DOCK1: variants seen among roughly 807,000 people sequenced by gnomAD.
DOCK1 encodes the protein dedicator of cytokinesis protein 1.
DOCK1 carries 138 observed loss-of-function variants against 262.7 expected under a neutral mutation model. The ratio of observed to expected loss-of-function variants is 0.53; its 90% confidence interval spans 0.46 to 0.61. The LOEUF is 0.61. Among genes scored for constraint, DOCK1 ranks in the 20% least tolerant of loss-of-function variants. The pLI is 0.00. For synonymous variants in DOCK1, 866 were observed against 867.4 expected (o/e 1.00, Z 0.03); for missense variants, 1,908 against 2,370.7 (o/e 0.80, Z 4.05).
At chr10:126,912,892 G>C (rs1401264257) in intron 1 of DOCK1, among the ~76,000 whole-genome samples, 1 of 152,062 alleles carries the variant, frequency 6.6e-6, no homozygotes, top group African/African-American at 2.4e-5. Context: ...ACTGACATAT[G>C]GATTTGGAGG....
At position 127,247,948 on chromosome 10, in the gene DOCK1, C is replaced by T. The variant is rs1008065322; in HGVS notation, c.2848-60C>T. On this transcript the variant is annotated intron_variant, in intron 27 of 51. Coordinates refer to ENST00000623213, the MANE Select transcript of DOCK1 (RefSeq NM_001290223.2). ...CAAGTCCCAGAATCTGGGATGATTT[C>T]GGCTTTTCCCATGAGTGTTGCTCTG... The T allele has an allele frequency of 3.7e-5, 57 of 1,524,180 alleles. 1 individual carries two copies. The East Asian group carries it at 7.1e-4, about 19-fold the overall frequency. 94.4% of individuals were successfully genotyped at this position (1,524,180 alleles called of 1,614,324 possible). A position where few individuals can be genotyped will look rare whatever the true frequency, so the allele number is the denominator to read the frequency against.
intron 27 of DOCK1, among the ~76,000 whole-genome samples, chr10:127,223,806 C>T (rs1010728716): frequency 2.0e-5 from 3 of 152,088 alleles, no homozygotes; most frequent in Non-Finnish European, 4.4e-5. Context: ...GCCTTAGCAC[C>T]TTTTTAAGCT....
In DOCK1 at chr10:127,343,719, G is replaced by C; in HGVS notation, c.3197G>C (p.Ser1066Thr). 2 of 1,609,980 alleles carry C rather than the reference G, an allele frequency of 1.2e-6. No homozygotes were observed. The highest frequency in any genetic ancestry group is 1.7e-6 in the Non-Finnish European group (2 of 1,178,218). ...TCCCTGCAACTGGAGAATTTTTCAA[G>C]TGCCAAGAGAGCCAAAATCCTTAAC... ...QESLQLENFS[S>T]AKRAKILNKY... is the part of the protein sequence containing the mutation. Residue 1066 changes from serine (S) to threonine (T), a missense_variant, in exon 31 of 52, where the codon AGT (serine) becomes ACT (threonine). Around this residue, in one of 9 missense-constraint regions of DOCK1, gnomAD observed 518 missense variants for 575.1 expected, o/e 0.90. Coordinates refer to ENST00000623213, the MANE Select transcript of DOCK1 (RefSeq NM_001290223.2).
chr10:127,282,194 G>A (rs2466286), intron 29 of DOCK1, among the ~76,000 whole-genome samples: 280 of 152,106 alleles, frequency 1.8e-3, no homozygotes, highest in African/African-American at 6.4e-3. Flanking sequence ...GGGTAAGGGT[G>A]CACTCTTGTG....
At chr10:127,426,548 C>T (rs566480625) in intron 47 of DOCK1, among the ~76,000 whole-genome samples, 20 of 152,196 alleles carry the variant, frequency 1.3e-4, no homozygotes, top group African/African-American at 4.6e-4. Flanking sequence ...TTGATCTAGA[C>T]CAAGGAAGAT....
chr10:126,925,315 C>CT (rs2033604486), intron 1 of DOCK1, among the ~76,000 whole-genome samples: 1 of 152,220 alleles, frequency 6.6e-6, no homozygotes, highest in Non-Finnish European at 1.5e-5. Context: ...ACCAGACCTG[C>CT]TTTTTCATTT....
chr10:127,284,860 C>T lies in DOCK1; in HGVS notation c.3044+27431C>T, dbSNP rs140781789. On this transcript the variant is annotated intron_variant, in intron 29 of 51. Transcript: ENST00000623213. ...TTAGATATTTGGCATCGGCCAGGTG[C>T]GGTGGCTCACGCTTGTAATCCCAGC... 2.3e-4 allele frequency among the ~76,000 whole-genome samples: 35 copies of T among 152,266 alleles called. No individual in the cohort carries two copies. The East Asian group carries it at 5.0e-3, about 22-fold the overall frequency.
intron 23 of DOCK1, among the ~76,000 whole-genome samples, chr10:127,097,598 T>A (rs1360826167): frequency 1.3e-5 from 2 of 152,130 alleles, no homozygotes; most frequent in African/African-American, 4.8e-5. Context: ...TGTTGATTGG[T>A]CCGAGGACTA....
chr10:127,004,290 T>A (rs2040826518), intron 10 of DOCK1, among the ~76,000 whole-genome samples: 1 of 151,774 alleles, frequency 6.6e-6, no homozygotes, highest in South Asian at 2.1e-4. Flanking sequence ...AGTAAGGACC[T>A]GATCGTTCTG....
chr10:127,410,610 G>T (rs2067787821), intron 42 of DOCK1, among the ~76,000 whole-genome samples: 1 of 152,128 alleles, frequency 6.6e-6, no homozygotes, highest in South Asian at 2.1e-4. Flanking sequence ...CTCAGCTTCT[G>T]TTTTCCCTCG....
chr10:126,912,869 C>G (rs1294277651), intron 1 of DOCK1, among the ~76,000 whole-genome samples: 1 of 152,122 alleles, frequency 6.6e-6, no homozygotes, highest in Non-Finnish European at 1.5e-5. Flanking sequence ...TGCTGAATTT[C>G]TGAGGTTAGA....
chr10:127,278,980 G>A (rs1159252598), intron 29 of DOCK1, among the ~76,000 whole-genome samples: 1 of 152,218 alleles, frequency 6.6e-6, no homozygotes, highest in East Asian at 1.9e-4. Context: ...GTCCCCATGA[G>A]AGACACACAG....
At chr10:126,997,020 G>A in intron 7 of DOCK1, 137 bp downstream of exon 7, 1 of 985,040 alleles carries the variant, frequency 1.0e-6, no homozygotes, top group Non-Finnish European at 1.4e-6. Context: ...GTGTCCTACA[G>A]TCATGAGTGG....
At chr10:127,156,638 G>A (rs1449825986) in intron 27 of DOCK1, among the ~76,000 whole-genome samples, 2 of 131,474 alleles carry the variant, frequency 1.5e-5, no homozygotes, top group Non-Finnish European at 3.1e-5. Context: ...GCACAATCTG[G>A]GCTCACCACA....
intron 29 of DOCK1, chr10:127,271,995 T>TG (rs932638899): frequency 3.7e-4 from 56 of 152,326 alleles, no homozygotes; most frequent in African/African-American, 1.2e-3. Flanking sequence ...GGGCGATCTG[T>TG]GTTTGTACGT....
chr10:127,156,559 CTTCTTTTTTTTTT>C (rs1592273544), intron 27 of DOCK1, among the ~76,000 whole-genome samples: 1 of 60,180 alleles, frequency 1.7e-5, no homozygotes, highest in African/African-American at 7.9e-5. Context: ...TCTTCTTCTT[CTTCTTTTTTTTTT>C]TTTTTTTTTT....
chr10:126,987,748 G>A lies in DOCK1; in HGVS notation c.324+131G>A, dbSNP rs549046137. ...GAGCTTCCGAGACAGAGTTTTACTC[G>A]GAATTGGCAAAGGAAGCGACATGGC... is the stretch of plus-strand genomic sequence containing the variant. On this transcript the variant is annotated intron_variant, in intron 5 of 51. Coordinates refer to ENST00000623213, the MANE Select transcript of DOCK1 (RefSeq NM_001290223.2). 5 of 881,704 alleles carry A rather than the reference G, an allele frequency of 5.7e-6. No individual in the cohort carries two copies. The East Asian group carries it at 1.1e-4, about 19-fold the overall frequency. 54.6% of individuals were successfully genotyped at this position (881,704 alleles called of 1,614,324 possible). A position where few individuals can be genotyped will look rare whatever the true frequency, so the allele number is the denominator to read the frequency against.
intron 15 of DOCK1, among the ~76,000 whole-genome samples, chr10:127,025,751 A>C (rs1053723757): frequency 2.6e-5 from 4 of 152,016 alleles, no homozygotes; most frequent in South Asian, 2.1e-4. Flanking sequence ...TGCCCGGCCC[A>C]AAAACAGCAA....
intron 27 of DOCK1, among the ~76,000 whole-genome samples, chr10:127,216,193 T>G (rs2058201487): frequency 6.6e-6 from 1 of 152,034 alleles, no homozygotes; most frequent in Admixed American, 6.5e-5. Flanking sequence ...GGAGCTGCTT[T>G]AGGGAGAGCA....
Sources: gnomAD v4.1 joint callset for allele counts (sites outside exome capture counted in the v4.1 genomes callset) on GRCh38, gnomAD v4.1.1 for gene constraint, gnomAD v4.1.1 regional missense constraint, MANE v1.5 for transcripts, NCBI Gene and HGNC (gene_info 2026-07-23, HGNC 2026-07-21) for gene names.